The following NRG1 variants were observed in gnomAD, a reference collection of about 807,000 sequenced individuals.
NRG1 encodes neuregulin 1.
Under a neutral mutation model 63.8 loss-of-function variants are expected in NRG1, and 18 were observed. That is an observed-to-expected ratio of 0.28 (90% CI 0.19 to 0.42). NRG1 has a LOEUF of 0.42. NRG1 is among the 10% of genes least tolerant of loss of function. NRG1 has a pLI of 1.00. For missense variants in NRG1, 762 were observed against 814.7 expected (o/e 0.94, Z 0.79); for synonymous variants, 302 against 301.3 (o/e 1.00, Z -0.02).
chr8:31,639,510 A>G (rs1803524183), intron 1 of NRG1: 7 of 1,518,460 alleles, frequency 4.6e-6, no homozygotes, highest in Non-Finnish European at 6.2e-6. Flanking sequence ...CTCCGCCTCC[A>G]GGGCTCTCTC....
intron 1 of NRG1, among the ~76,000 whole-genome samples, chr8:31,810,058 T>A (rs1208385643): frequency 6.6e-6 from 1 of 152,128 alleles, no homozygotes; most frequent in Non-Finnish European, 1.5e-5. Flanking sequence ...CTGTAGCTCA[T>A]GCCAACCTTG....
chr8:31,781,508 G>A (rs1489523585), intron 1 of NRG1, among the ~76,000 whole-genome samples: 2 of 152,110 alleles, frequency 1.3e-5, no homozygotes, highest in Non-Finnish European at 2.9e-5. Context: ...AACATAAGAC[G>A]TGTACATATA....
intron 1 of NRG1, among the ~76,000 whole-genome samples, chr8:31,648,934 T>A (rs1804569587): frequency 6.6e-6 from 1 of 150,906 alleles, no homozygotes; most frequent in Non-Finnish European, 1.5e-5. Flanking sequence ...CTGAAACATA[T>A]GGTAATTCTT....
intron 5 of NRG1, among the ~76,000 whole-genome samples, chr8:32,620,522 A>G (rs1213430186): frequency 7.8e-4 from 7 of 8,944 alleles, no homozygotes; most frequent in East Asian, 6.4e-3. Flanking sequence ...GGATTAGAAG[A>G]AAAAAAAAAA....
At chr8:32,475,195 G>T (rs1374339058) in intron 1 of NRG1, among the ~76,000 whole-genome samples, 2 of 151,968 alleles carry the variant, frequency 1.3e-5, no homozygotes, top group Non-Finnish European at 2.9e-5. Flanking sequence ...GGCCAGGCAC[G>T]CTGGCTCACG....
intron 1 of NRG1, among the ~76,000 whole-genome samples, chr8:31,813,575 G>A (rs1333094770): frequency 9.4e-5 from 13 of 138,746 alleles, no homozygotes; most frequent in Admixed American, 3.1e-4. Flanking sequence ...AGGCTGGAGA[G>A]CAGTGGCACA....
At chr8:31,847,688 C>T (rs1386413819) in intron 1 of NRG1, among the ~76,000 whole-genome samples, 1 of 152,198 alleles carries the variant, frequency 6.6e-6, no homozygotes, top group African/African-American at 2.4e-5. Flanking sequence ...CTGCAAAAAT[C>T]TTATTCATGT....
chr8:32,187,932 G>C (rs1842122621), intron 1 of NRG1, among the ~76,000 whole-genome samples: 1 of 152,186 alleles, frequency 6.6e-6, no homozygotes, highest in Non-Finnish European at 1.5e-5. Context: ...CAGTGCAGAG[G>C]AGTTTGTTCA....
At chr8:32,145,926 A>G (rs150223460) in intron 1 of NRG1, among the ~76,000 whole-genome samples, 2 of 152,298 alleles carry the variant, frequency 1.3e-5, no homozygotes, top group African/African-American at 4.8e-5. Context: ...ATACTCTCCT[A>G]GTGACCACAG....
At chr8:31,983,561 T>A (rs906382247) in intron 1 of NRG1, among the ~76,000 whole-genome samples, 3 of 151,984 alleles carry the variant, frequency 2.0e-5, no homozygotes, top group East Asian at 3.9e-4. Context: ...TTAAATTTTT[T>A]TGCAGAAATG....
At chr8:32,104,633 AT>A (rs1304054487) in intron 1 of NRG1, among the ~76,000 whole-genome samples, 1 of 152,088 alleles carries the variant, frequency 6.6e-6, no homozygotes, top group Non-Finnish European at 1.5e-5. Context: ...TATAAAAATA[AT>A]TTCTTTTTAT....
chr8:32,187,725 T>A (rs1842101087), intron 1 of NRG1, among the ~76,000 whole-genome samples: 1 of 151,224 alleles, frequency 6.6e-6, no homozygotes, highest in African/African-American at 2.4e-5. Flanking sequence ...AGAGGAGGGG[T>A]GGCGCAAAGC....
At chr8:32,745,085 G>A (rs964051238) in intron 7 of NRG1, among the ~76,000 whole-genome samples, 10 of 152,166 alleles carry the variant, frequency 6.6e-5, no homozygotes, top group Non-Finnish European at 2.9e-5. Context: ...TTGCTTTCCA[G>A]TGTTGTCTTA....
At chr8:32,580,418 A>C (rs1478289963) in intron 1 of NRG1, among the ~76,000 whole-genome samples, 2 of 152,168 alleles carry the variant, frequency 1.3e-5, no homozygotes, top group East Asian at 1.9e-4. Flanking sequence ...AAAATGCTAA[A>C]ATTTTCTGAG....
chr8:32,658,176 A>G (rs1339750376), intron 5 of NRG1, among the ~76,000 whole-genome samples: 6 of 152,204 alleles, frequency 3.9e-5, no homozygotes, highest in Non-Finnish European at 8.8e-5. Context: ...CTGCCTATTT[A>G]GTAAACTATA....
intron 1 of NRG1, among the ~76,000 whole-genome samples, chr8:32,491,847 CT>C (rs900521623): frequency 1.3e-5 from 2 of 152,214 alleles, no homozygotes; most frequent in Admixed American, 1.3e-4. Context: ...TACACAGAGG[CT>C]GCCTTTGTTT....
intron 1 of NRG1, among the ~76,000 whole-genome samples, chr8:31,855,422 C>G (rs796261177): frequency 6.6e-6 from 1 of 152,098 alleles, no homozygotes; most frequent in Non-Finnish European, 1.5e-5. Context: ...TTATCAGAGA[C>G]TAGGATTGCA....
At chr8:31,938,916 G>A (rs1283533257) in intron 1 of NRG1, among the ~76,000 whole-genome samples, 1 of 152,170 alleles carries the variant, frequency 6.6e-6, no homozygotes, top group African/African-American at 2.4e-5. Context: ...TTGGGACTAT[G>A]TTAAATGTCC....
intron 1 of NRG1, among the ~76,000 whole-genome samples, chr8:31,907,777 A>G (rs1028270298): frequency 6.6e-6 from 1 of 152,152 alleles, no homozygotes; most frequent in African/African-American, 2.4e-5. Flanking sequence ...CAAACAATCA[A>G]TACTCAATAA....
Sources: allele counts gnomAD v4.1 joint callset (sites outside exome capture counted in the v4.1 genomes callset), GRCh38; gene constraint gnomAD v4.1.1; transcripts MANE v1.5; gene names NCBI Gene and HGNC (gene_info 2026-07-23, HGNC 2026-07-21).